Variants in TMEM242 observed in about 807,000 individuals in gnomAD.
The protein encoded by TMEM242 is transmembrane protein 242, also known as UPF0463 transmembrane protein C6orf35.
A neutral mutation model predicts 18.2 loss-of-function variants in TMEM242; 10 were observed. The observed-to-expected ratio is 0.55, with a 90% CI of 0.34 to 0.93. The LOEUF is 0.93. TMEM242 is among the 40% of genes least tolerant of loss of function. The pLI, the probability that TMEM242 is intolerant of heterozygous loss-of-function variation, is 0.02. For missense variants in TMEM242, 186 were observed against 175.5 expected, an observed-to-expected ratio of 1.06 and a Z score of -0.34; for synonymous variants, 57 against 69.9, an observed-to-expected ratio of 0.81 and a Z score of 0.92.
intron 3 of TMEM242, chr6:157,318,421 T>C (rs1778441662): frequency 3.8e-6 from 1 of 263,468 alleles, no homozygotes; most frequent in Non-Finnish European, 7.1e-6. Flanking sequence ...CAGGGTTTCT[T>C]TACATTGCCC....
At chr6:157,300,242 C>G in intron 3 of TMEM242, 1 of 384,626 alleles carries the variant, frequency 2.6e-6, no homozygotes, top group Non-Finnish European at 4.9e-6. Context: ...GTGCGCAAGA[C>G]ACGCCCCCTG....
chr6:157,299,576 T>C, intron 3 of TMEM242: 1 of 1,566,028 alleles, frequency 6.4e-7, no homozygotes, highest in Non-Finnish European at 8.8e-7. Flanking sequence ...CCAGGCTACA[T>C]AAGTTAAGTT....
At chr6:157,299,386 A>T in intron 3 of TMEM242, 1 of 1,204,506 alleles carries the variant, frequency 8.3e-7, no homozygotes, top group Non-Finnish European at 1.2e-6. Flanking sequence ...TCAAAGCGAC[A>T]CCAGCTATGT....
intron 3 of TMEM242, among the ~76,000 whole-genome samples, chr6:157,303,801 A>G (rs1777865035): frequency 6.8e-6 from 1 of 146,326 alleles, no homozygotes; most frequent in African/African-American, 2.6e-5. Context: ...AGTGGGCTCT[A>G]ATTCTATTGC....
intron 3 of TMEM242, among the ~76,000 whole-genome samples, chr6:157,293,663 TTTTG>T (rs1421271935): frequency 2.0e-5 from 3 of 152,068 alleles, no homozygotes; most frequent in Non-Finnish European, 2.9e-5. Context: ...GTGGTTTTTT[TTTTG>T]TTTTTGTTTT....
chr6:157,294,517 A>AT (rs587751033), intron 3 of TMEM242, among the ~76,000 whole-genome samples: 2 of 150,940 alleles, frequency 1.3e-5, no homozygotes, highest in Non-Finnish European at 3.0e-5. Context: ...CGCCCGGCTA[A>AT]TTTTTTGTAT....
At chr6:157,313,782 TCCCAG>T (rs1778304091) in intron 3 of TMEM242, among the ~76,000 whole-genome samples, 1 of 67,350 alleles carries the variant, frequency 1.5e-5, no homozygotes, top group Admixed American at 1.4e-4. Context: ...AATCATAGTG[TCCCAG>T]TGTGCGCTCA....
chr6:157,299,986 A>C, intron 3 of TMEM242: 3 of 1,411,688 alleles, frequency 2.1e-6, no homozygotes, highest in Non-Finnish European at 2.0e-6. Context: ...AGCGCTCAAC[A>C]AGCTCACTCT....
At chr6:157,294,345 TTC>T (rs1777721982) in intron 3 of TMEM242, among the ~76,000 whole-genome samples, 5 of 149,428 alleles carry the variant, frequency 3.3e-5, no homozygotes, top group Non-Finnish European at 5.9e-5. Context: ...TGCAAGTCAT[TTC>T]TTTTTTTTTT....
chr6:157,312,832 C>A (rs1583570145), intron 3 of TMEM242, among the ~76,000 whole-genome samples: 1 of 118,884 alleles, frequency 8.4e-6, no homozygotes, highest in African/African-American at 3.3e-5. Flanking sequence ...ATCATAGTGC[C>A]ACAGTGTGCA....
chr6:157,294,284 T>C (rs897911971), intron 3 of TMEM242, among the ~76,000 whole-genome samples: 1 of 151,924 alleles, frequency 6.6e-6, no homozygotes, highest in Non-Finnish European at 1.5e-5. Context: ...TTCCTAAGGA[T>C]AGAGATAGCC....
chr6:157,312,873 TGCA>T (rs1778224995), intron 3 of TMEM242, among the ~76,000 whole-genome samples: 1 of 130,208 alleles, frequency 7.7e-6, no homozygotes, highest in Admixed American at 8.0e-5. Context: ...TGTCCCAGTG[TGCA>T]CTCACCTAGC....
chr6:157,310,508 G>A (rs1554248310), intron 3 of TMEM242, among the ~76,000 whole-genome samples: 1 of 140,476 alleles, frequency 7.1e-6, no homozygotes, highest in African/African-American at 2.6e-5. Flanking sequence ...GTGTCCCAGT[G>A]TACACTCACC....
Position 157,313,241 on chromosome 6 carries a change from G to A in TMEM242, c.327+5541C>T, listed in dbSNP as rs200489900. 8.9e-3 allele frequency among the ~76,000 whole-genome samples: 15 copies of A among 1,684 alleles called. 1 individual carries two copies. In the East Asian group the frequency reaches 0.095, roughly 11 times the overall value. 1.1% of individuals were successfully genotyped at this position (1,684 alleles called of 152,430 possible). ...CCTCACCTGGCCTCATCATAGTGTC[G>A]CAGAGTGTGCTCACCTGGCCTCATC... On this transcript the variant is annotated intron_variant, in intron 3 of 3. Transcript: ENST00000400788.
chr6:157,289,734 T>A lies in TMEM242; in HGVS notation c.*3167A>T, dbSNP rs1777659779. ...AATTTCTTCTATTTTCCCCTTAGAT[T>A]GCAATGATTAATTTGCAAGTTTGGT... On this transcript the variant is annotated 3_prime_UTR_variant, in exon 4 of 4. Transcript: ENST00000400788. The A allele has an allele frequency of 6.6e-6, 1 of 151,518 alleles. No individual in the cohort carries two copies. Among genetic ancestry groups the A allele is most frequent in the African/African-American group, 2.4e-5 (1 of 41,232 alleles). The allele number at this position is 151,518 out of a possible 1,614,324, so 9.4% of individuals were successfully genotyped here.
chr6:157,312,900 C>G (rs1554249500), intron 3 of TMEM242, among the ~76,000 whole-genome samples: 2 of 151,936 alleles, frequency 1.3e-5, no homozygotes, highest in South Asian at 2.1e-4. Context: ...ATCATAGTGT[C>G]CCACTGTGCG....
In TMEM242 at chr6:157,323,519, C is replaced by T; in HGVS notation, c.-20G>A. On this transcript the variant is annotated 5_prime_UTR_variant, in exon 1 of 4. Transcript: ENST00000400788. ...CTCCATGTTTAGGTCGCCTCTAGTG[C>T]GTCCGTCCCCAACTGGGCCCGGGTG... is the stretch of plus-strand genomic sequence containing the variant. 2 of 1,606,694 alleles carry T rather than the reference C, an allele frequency of 1.2e-6. No homozygotes were observed. The highest frequency in any genetic ancestry group is 1.7e-6 in the Non-Finnish European group (2 of 1,174,918).
At chr6:157,301,711 C>A (rs1221407854) in intron 3 of TMEM242, among the ~76,000 whole-genome samples, 1 of 152,098 alleles carries the variant, frequency 6.6e-6, no homozygotes, top group Non-Finnish European at 1.5e-5. Flanking sequence ...GTTTGTGGAT[C>A]ACTTGAGGTC....
At chr6:157,312,626 G>A (rs1252388850) in intron 3 of TMEM242, among the ~76,000 whole-genome samples, 2 of 108,002 alleles carry the variant, frequency 1.9e-5, no homozygotes, top group African/African-American at 3.9e-5. Context: ...TCACCATAGT[G>A]TCGCAGTGTG....
Sources: gnomAD v4.1 joint callset for allele counts (sites outside exome capture counted in the v4.1 genomes callset) on GRCh38, gnomAD v4.1.1 for gene constraint, MANE v1.5 for transcripts, NCBI Gene and HGNC (gene_info 2026-07-23, HGNC 2026-07-21) for gene names.